TNKS: variants seen among roughly 807,000 people sequenced by gnomAD.
TNKS encodes tankyrase, also known as poly [ADP-ribose] polymerase tankyrase-1.
TNKS carries 72 observed loss-of-function variants against 135.8 expected under a neutral mutation model. That is an observed-to-expected ratio of 0.53 (90% CI 0.44 to 0.64). The LOEUF (loss-of-function observed/expected upper bound fraction) is 0.64, where lower values mean the gene tolerates loss of function less well. Ranked by LOEUF, TNKS falls within the 30% of genes least tolerant of loss-of-function variation. The pLI is 0.00. For synonymous variants in TNKS, 849 were observed against 649.3 expected (o/e 1.31, Z -4.68); for missense variants, 1,769 against 1,674.0 (o/e 1.06, Z -0.99).
chr8:9,769,363 G>A (rs887441965), intron 25 of TNKS, among the ~76,000 whole-genome samples: 1 of 152,150 alleles, frequency 6.6e-6, no homozygotes, highest in Non-Finnish European at 1.5e-5. Context: ...GTTTCACCCA[G>A]ACTATTATGA....
chr8:9,637,095 G>T (rs1011314453), intron 3 of TNKS, among the ~76,000 whole-genome samples: 2 of 152,148 alleles, frequency 1.3e-5, no homozygotes, highest in Non-Finnish European at 2.9e-5. Flanking sequence ...AATGAAAGTG[G>T]AAACTGCATA....
At chr8:9,745,118 T>G (rs1288863141) in intron 17 of TNKS, among the ~76,000 whole-genome samples, 2 of 152,308 alleles carry the variant, frequency 1.3e-5, no homozygotes, top group Non-Finnish European at 2.9e-5. Flanking sequence ...TTGAAATTAT[T>G]CCGTGCTTTT....
At chr8:9,596,706 T>C (rs1172295447) in intron 2 of TNKS, among the ~76,000 whole-genome samples, 1 of 152,238 alleles carries the variant, frequency 6.6e-6, no homozygotes, top group Non-Finnish European at 1.5e-5. Flanking sequence ...TTCAGACTTT[T>C]GTGTCAAGCC....
At chr8:9,581,322 C>G (rs1356154497) in intron 2 of TNKS, among the ~76,000 whole-genome samples, 1 of 152,088 alleles carries the variant, frequency 6.6e-6, no homozygotes, top group East Asian at 1.9e-4. Context: ...TTAAAAAAAT[C>G]ACATTTTCTG....
At chr8:9,681,941 G>A (rs184674010) in intron 5 of TNKS, among the ~76,000 whole-genome samples, 2 of 152,146 alleles carry the variant, frequency 1.3e-5, no homozygotes, top group Admixed American at 1.3e-4. Context: ...TGGGTAATTT[G>A]GGGAGAGACT....
intron 20 of TNKS, among the ~76,000 whole-genome samples, chr8:9,757,987 G>A (rs927918874): frequency 1.3e-5 from 2 of 152,136 alleles, no homozygotes; most frequent in Non-Finnish European, 2.9e-5. Flanking sequence ...TAAATTTAAC[G>A]CTTAATCATG....
rs542080050 is a variant in TNKS at position 9,581,893 on chromosome 8, A to G, written c.898+1510A>G. On this transcript the variant is annotated intron_variant, in intron 2 of 26. Transcript: ENST00000310430. ...TTTTTATCTAGGTTCTATTGAAATA[A>G]AAGACTAGATATGGGGCTTGAATTT... is the stretch of plus-strand genomic sequence containing the variant. Among the ~76,000 whole-genome samples the G allele has an allele frequency of 9.2e-5, 14 of 152,290 alleles. No homozygotes were observed. In the East Asian group the frequency reaches 2.7e-3, roughly 29 times the overall value.
intron 25 of TNKS, among the ~76,000 whole-genome samples, chr8:9,767,614 A>C (rs369852714): frequency 6.6e-6 from 1 of 152,162 alleles, no homozygotes; most frequent in African/African-American, 2.4e-5. Flanking sequence ...GTCGGATGTC[A>C]TATACCCGGA....
chr8:9,612,278 T>C (rs998770146), intron 2 of TNKS, among the ~76,000 whole-genome samples: 25 of 152,306 alleles, frequency 1.6e-4, no homozygotes, highest in African/African-American at 6.0e-4. Context: ...AGAAGGTAAT[T>C]TTGAAACAAC....
chr8:9,764,101 T>TG (rs1326106786), intron 22 of TNKS, among the ~76,000 whole-genome samples: 2 of 152,122 alleles, frequency 1.3e-5, no homozygotes, highest in African/African-American at 4.8e-5. Context: ...TCTTCACAAG[T>TG]GGAGCAGTAA....
intron 3 of TNKS, among the ~76,000 whole-genome samples, chr8:9,659,227 A>C (rs904424731): frequency 8.5e-5 from 13 of 152,218 alleles, no homozygotes; most frequent in Non-Finnish European, 1.9e-4. Flanking sequence ...GCTCTGCACC[A>C]AGTGGACCTA....
chr8:9,627,965 T>C (rs1423602041), intron 3 of TNKS, among the ~76,000 whole-genome samples: 1 of 152,224 alleles, frequency 6.6e-6, no homozygotes, highest in Non-Finnish European at 1.5e-5. Context: ...TGCACTCGTG[T>C]ACAATGCTTT....
chr8:9,623,494 G>A (rs1799943283), intron 3 of TNKS, among the ~76,000 whole-genome samples: 1 of 149,990 alleles, frequency 6.7e-6, no homozygotes, highest in Admixed American at 6.6e-5. Context: ...ACTATATAGT[G>A]TGCAGTAGCA....
chr8:9,574,293 T>C (rs976170133), intron 1 of TNKS, among the ~76,000 whole-genome samples: 3 of 152,246 alleles, frequency 2.0e-5, no homozygotes, highest in Non-Finnish European at 4.4e-5. Flanking sequence ...GCTACCTGCT[T>C]TGCCTGACCC....
intron 1 of TNKS, 198 bp downstream of exon 1, chr8:9,556,810 C>G (rs991698755): frequency 2.6e-5 from 15 of 579,740 alleles, no homozygotes; most frequent in African/African-American, 2.1e-4. Flanking sequence ...ATAAGTGAAT[C>G]CAAGGAATTC....
intron 3 of TNKS, among the ~76,000 whole-genome samples, chr8:9,665,942 A>C (rs557754678): frequency 6.6e-6 from 1 of 151,770 alleles, no homozygotes; most frequent in Admixed American, 6.6e-5. Flanking sequence ...CTCTCTTTTT[A>C]CTACTCTTCT....
intron 3 of TNKS, among the ~76,000 whole-genome samples, chr8:9,673,187 C>T (rs187887989): frequency 8.5e-5 from 13 of 152,166 alleles, no homozygotes; most frequent in Middle Eastern, 6.8e-3. Context: ...GGATGTGTAT[C>T]TTAGATGTTA....
At chr8:9,766,580 G>C (rs974107849) in intron 25 of TNKS, among the ~76,000 whole-genome samples, 155 bp downstream of exon 25, 5 of 151,448 alleles carry the variant, frequency 3.3e-5, no homozygotes, top group African/African-American at 1.2e-4. Flanking sequence ...CCACCTCCTG[G>C]GTTCAAGCAA....
chr8:9,732,839 C>A (rs1563198161), intron 14 of TNKS, among the ~76,000 whole-genome samples: 1 of 152,140 alleles, frequency 6.6e-6, no homozygotes, highest in African/African-American at 2.4e-5. Context: ...ATATTTGGCA[C>A]CTCAATATTT....
Sources: allele counts gnomAD v4.1 joint callset (sites outside exome capture counted in the v4.1 genomes callset), GRCh38; gene constraint gnomAD v4.1.1; transcripts MANE v1.5; gene names NCBI Gene and HGNC (gene_info 2026-07-23, HGNC 2026-07-21).